Variants in VWA8 observed in about 807,000 individuals in gnomAD.
VWA8 encodes von Willebrand factor A domain-containing protein 8.
VWA8 carries 221 observed loss-of-function variants against 241.5 expected under a neutral mutation model. The observed-to-expected ratio is 0.91, with a 90% CI of 0.82 to 1.02. The LOEUF (loss-of-function observed/expected upper bound fraction) is 1.02, where lower values mean the gene tolerates loss of function less well. Ranked by LOEUF, VWA8 falls within the 50% of genes least tolerant of loss-of-function variation. The pLI is 0.00. For missense variants in VWA8, 2,322 were observed against 2,328.7 expected (o/e 1.00, Z 0.06); for synonymous variants, 852 against 827.1 (o/e 1.03, Z -0.52).
At chr13:41,675,965 ACT>A (rs2045057571) in intron 35 of VWA8, among the ~76,000 whole-genome samples, 1 of 152,006 alleles carries the variant, frequency 6.6e-6, no homozygotes, top group Non-Finnish European at 1.5e-5. Flanking sequence ...TGGGGTGAGG[ACT>A]CTGGAGTTTG....
intron 43 of VWA8, among the ~76,000 whole-genome samples, chr13:41,570,951 AGTTTT>A (rs1175670888): frequency 1.3e-5 from 2 of 152,224 alleles, no homozygotes; most frequent in Non-Finnish European, 2.9e-5. Flanking sequence ...GTGGGCACTT[AGTTTT>A]AAGTGGAAGC....
intron 24 of VWA8, among the ~76,000 whole-genome samples, chr13:41,726,028 C>T (rs1383519464): frequency 6.6e-6 from 1 of 152,152 alleles, no homozygotes; most frequent in African/African-American, 2.4e-5. Context: ...CAAGCATATG[C>T]ATGTACACAT....
chr13:41,579,266 C>CT (rs937865725), intron 42 of VWA8, among the ~76,000 whole-genome samples: 2 of 152,208 alleles, frequency 1.3e-5, no homozygotes, highest in African/African-American at 4.8e-5. Flanking sequence ...TCTCATTCTC[C>CT]TGTGTGCCAC....
At chr13:41,665,593 TA>T in intron 37 of VWA8, among the ~76,000 whole-genome samples, 1 of 152,176 alleles carries the variant, frequency 6.6e-6, no homozygotes, top group Middle Eastern at 3.4e-3. Context: ...TGTAAGTACT[TA>T]AATGTAAGTG....
chr13:41,761,982 T>C lies in VWA8; in HGVS notation c.2350-778A>G, dbSNP rs369934807. Among the ~76,000 whole-genome samples, 17 of 152,222 alleles carry C rather than the reference T, an allele frequency of 1.1e-4. No individual in the cohort carries two copies. The East Asian group carries it at 1.4e-3, about 12-fold the overall frequency. On this transcript the variant is annotated intron_variant, in intron 20 of 44. Transcript: ENST00000379310. ...TAGTTTAAAAGCTGACTTCATATCA[T>C]ACATGCTAGCAAAAATAACTCTTAC...
chr13:41,572,905 C>T (rs574824347), intron 43 of VWA8, among the ~76,000 whole-genome samples: 3 of 148,358 alleles, frequency 2.0e-5, no homozygotes, highest in Non-Finnish European at 4.5e-5. Flanking sequence ...GTCGGGAGTT[C>T]GAGACCGGCC....
chr13:41,676,884 C>T (rs544661762), intron 35 of VWA8, among the ~76,000 whole-genome samples: 17 of 152,200 alleles, frequency 1.1e-4, no homozygotes, highest in Admixed American at 2.6e-4. Flanking sequence ...CTGCCTGCCT[C>T]GGTCTCCCAA....
chr13:41,816,558 A>G, intron 16 of VWA8, 140 bp downstream of exon 16: 1 of 706,402 alleles, frequency 1.4e-6, no homozygotes, highest in Non-Finnish European at 2.3e-6. Context: ...AACCATATGC[A>G]TAGAACAAAG....
At chr13:41,681,035 A>G (rs1265569611) in intron 35 of VWA8, among the ~76,000 whole-genome samples, 1 of 152,180 alleles carries the variant, frequency 6.6e-6, no homozygotes, top group Non-Finnish European at 1.5e-5. Context: ...CAATGCTAAC[A>G]AGAATCCTGC....
chr13:41,643,400 T>C (rs1169410909), intron 37 of VWA8, among the ~76,000 whole-genome samples: 1 of 152,232 alleles, frequency 6.6e-6, no homozygotes, highest in Non-Finnish European at 1.5e-5. Context: ...GGACTTTTCA[T>C]CTCTGAATAG....
chr13:41,757,444 T>C (rs918353854), intron 21 of VWA8, among the ~76,000 whole-genome samples: 3 of 151,842 alleles, frequency 2.0e-5, no homozygotes, highest in African/African-American at 4.8e-5. Flanking sequence ...AAAAAATAAT[T>C]ACAACCTTTA....
At chr13:41,573,486 A>AATAAATAAATAAATATATATAT (rs1555303591) in intron 43 of VWA8, among the ~76,000 whole-genome samples, 6 of 113,600 alleles carry the variant, frequency 5.3e-5, no homozygotes, top group African/African-American at 1.7e-4. Flanking sequence ...AAAAAAAAAA[A>AATAAATAAATAAATATATATAT]ATATATATAT....
At chr13:41,896,450 T>C (rs1187239240) in intron 4 of VWA8, among the ~76,000 whole-genome samples, 1 of 152,002 alleles carries the variant, frequency 6.6e-6, no homozygotes, top group Admixed American at 6.6e-5. Context: ...CAAAGGCAGA[T>C]ACCATTAAGA....
chr13:41,594,117 A>C (rs895214983), intron 40 of VWA8, among the ~76,000 whole-genome samples: 1 of 141,922 alleles, frequency 7.0e-6, no homozygotes, highest in Non-Finnish European at 1.6e-5. Flanking sequence ...TCATTTTTGT[A>C]ATTTTTGTTT....
chr13:41,721,717 A>G, intron 24 of VWA8, 142 bp from the exon 25 acceptor site: 1 of 767,566 alleles, frequency 1.3e-6, no homozygotes, highest in South Asian at 2.4e-5. Flanking sequence ...GGTACAGAGA[A>G]GAAAGCAAAA....
chr13:41,765,471 T>C (rs949940227), intron 20 of VWA8, among the ~76,000 whole-genome samples: 2 of 152,232 alleles, frequency 1.3e-5, no homozygotes, highest in African/African-American at 4.8e-5. Flanking sequence ...GCTGAAAGCT[T>C]CATCTAGGAA....
chr13:41,896,959 ACT>A (rs747941146), intron 4 of VWA8, among the ~76,000 whole-genome samples: 2 of 152,208 alleles, frequency 1.3e-5, no homozygotes, highest in Admixed American at 6.5e-5. Flanking sequence ...TCATCAAAAC[ACT>A]GTTTTATAAT....
intron 26 of VWA8, among the ~76,000 whole-genome samples, chr13:41,711,697 AC>A: frequency 6.6e-6 from 1 of 152,020 alleles, no homozygotes; most frequent in South Asian, 2.1e-4. Context: ...ACACGGTGAA[AC>A]CCCGTCTCTA....
At chr13:41,633,923 C>T (rs1282842718) in intron 37 of VWA8, among the ~76,000 whole-genome samples, 1 of 152,110 alleles carries the variant, frequency 6.6e-6, no homozygotes, top group Non-Finnish European at 1.5e-5. Context: ...GATGCCATTC[C>T]AACAAGTTCC....
Sources: allele counts gnomAD v4.1 joint callset (sites outside exome capture counted in the v4.1 genomes callset), GRCh38; gene constraint gnomAD v4.1.1; transcripts MANE v1.5; gene names NCBI Gene and HGNC (gene_info 2026-07-23, HGNC 2026-07-21).